CCDC91: variants seen among roughly 807,000 people sequenced by gnomAD.
The protein encoded by CCDC91 is coiled-coil domain containing 91.
A neutral mutation model predicts 63.2 loss-of-function variants in CCDC91; 48 were observed. The observed-to-expected ratio is 0.76, with a 90% confidence interval of 0.60 to 0.97. CCDC91 has a LOEUF of 0.97. Ranked by LOEUF, CCDC91 falls within the 50% of genes least tolerant of loss-of-function variation. The pLI is 0.00. For missense variants in CCDC91, 500 were observed against 494.6 expected, an observed-to-expected ratio of 1.01 and a Z score of -0.10; for synonymous variants, 167 against 165.8, an observed-to-expected ratio of 1.01 and a Z score of -0.06.
intron 8 of CCDC91, among the ~76,000 whole-genome samples, chr12:28,448,659 C>T (rs1225528554): frequency 6.6e-6 from 1 of 151,988 alleles, no homozygotes; most frequent in African/African-American, 2.4e-5. Flanking sequence ...ATTACCAGTT[C>T]TTTTTAAGGA....
chr12:28,455,159 A>AT (rs1325149438), intron 11 of CCDC91, among the ~76,000 whole-genome samples: 1 of 67,216 alleles, frequency 1.5e-5, no homozygotes, highest in Non-Finnish European at 3.5e-5. Context: ...TGCAGTAAAT[A>AT]TCCTGAAGAG....
chr12:28,399,014 A>G (rs1946456633), intron 8 of CCDC91, among the ~76,000 whole-genome samples: 1 of 152,162 alleles, frequency 6.6e-6, no homozygotes, highest in Non-Finnish European at 1.5e-5. Flanking sequence ...TATCATTGTT[A>G]TTAGTCAGCT....
intron 8 of CCDC91, among the ~76,000 whole-genome samples, chr12:28,405,743 A>C (rs1201379506): frequency 1.3e-5 from 2 of 152,170 alleles, no homozygotes; most frequent in African/African-American, 4.8e-5. Flanking sequence ...GTTGGCTGGA[A>C]AAGTGACTTC....
intron 8 of CCDC91, among the ~76,000 whole-genome samples, chr12:28,421,503 T>C (rs562087313): frequency 5.9e-5 from 9 of 152,062 alleles, no homozygotes; most frequent in African/African-American, 1.9e-4. Context: ...GAAAATGACC[T>C]CCGGCTCCAT....
rs7967156 is a variant in CCDC91, at chr12:28,397,783, T to G, written c.762+6372T>G. On this transcript the variant is annotated intron_variant, in intron 8 of 12. Transcript: ENST00000536442. Reference sequence around the variant, plus strand: ...CTTAAGTGCTATTAATAGATATATATAAAATGCTACCAATACACATAAGAT... The same window carrying G: ...CTTAAGTGCTATTAATAGATATATAGAAAATGCTACCAATACACATAAGAT... Among the ~76,000 whole-genome samples the G allele has an allele frequency of 4.6e-3, 703 of 152,246 alleles. 8 individuals carry two copies. The highest frequency in any genetic ancestry group is 0.016 in the African/African-American group (668 of 41,544).
At chr12:28,388,588 C>T (rs1452000936) in intron 7 of CCDC91, among the ~76,000 whole-genome samples, 1 of 152,158 alleles carries the variant, frequency 6.6e-6, no homozygotes, top group Non-Finnish European at 1.5e-5. Context: ...AACTAGAAAA[C>T]ACTGCTGAAA....
At chr12:28,363,421 A>T (rs1417430921) in intron 7 of CCDC91, among the ~76,000 whole-genome samples, 2 of 152,172 alleles carry the variant, frequency 1.3e-5, no homozygotes, top group East Asian at 3.9e-4. Flanking sequence ...GTTTAACCAT[A>T]CATGTTTACA....
chr12:28,408,769 A>G lies in CCDC91; in HGVS notation c.762+17358A>G, dbSNP rs142900489. On this transcript the variant is annotated intron_variant, in intron 8 of 12. Transcript: ENST00000536442. ...GCAATTCTCTTGCCTCAGCTTCCCA[A>G]GTATCTGGGATTACAGGTGTGCACC... is the stretch of plus-strand genomic sequence containing the variant. 4.5e-3 allele frequency among the ~76,000 whole-genome samples: 689 copies of G among 151,926 alleles called. 7 individuals are homozygous for G. Among genetic ancestry groups the G allele is most frequent in the African/African-American group, 0.014 (579 of 41,394 alleles).
intron 6 of CCDC91, among the ~76,000 whole-genome samples, chr12:28,360,308 G>A (rs1943792992): frequency 6.6e-6 from 1 of 152,206 alleles, no homozygotes; most frequent in Non-Finnish European, 1.5e-5. Flanking sequence ...GGAAGTGGTA[G>A]CAGTAAATGG....
chr12:28,537,359 T>C (rs1680880166), intron 12 of CCDC91, among the ~76,000 whole-genome samples: 1 of 151,892 alleles, frequency 6.6e-6, no homozygotes, highest in South Asian at 2.1e-4. Flanking sequence ...TTATAGGAAA[T>C]TCTATTCCAT....
intron 2 of CCDC91, among the ~76,000 whole-genome samples, chr12:28,258,543 C>T (rs903475097): frequency 2.6e-5 from 4 of 151,946 alleles, no homozygotes; most frequent in African/African-American, 9.7e-5. Flanking sequence ...TTAGGTTTTT[C>T]TTTCTTTCCA....
intron 6 of CCDC91, among the ~76,000 whole-genome samples, chr12:28,320,385 CT>C (rs1269338026): frequency 6.6e-6 from 1 of 150,710 alleles, no homozygotes; most frequent in East Asian, 1.9e-4. Flanking sequence ...TGAGTTTTTT[CT>C]TTTTTTTTAT....
intron 6 of CCDC91, among the ~76,000 whole-genome samples, chr12:28,355,744 G>C (rs1003391565): frequency 6.6e-6 from 1 of 152,146 alleles, no homozygotes; most frequent in African/African-American, 2.4e-5. Context: ...AGAATTCCAG[G>C]AGAAGTTTGC....
intron 6 of CCDC91, among the ~76,000 whole-genome samples, chr12:28,361,456 ACTTTTTTCTCGT>A (rs1312844679): frequency 2.0e-5 from 3 of 150,806 alleles, no homozygotes; most frequent in East Asian, 1.9e-4. Flanking sequence ...TACTTGTTTC[ACTTTTTTCTCGT>A]CTTTTTTCTC....
rs576036153 is a variant in CCDC91, at chr12:28,271,120, C to A, written c.109+11678C>A. On this transcript the variant is annotated intron_variant, in intron 3 of 12. Transcript: ENST00000536442. ...TTATAGCTAGGAAGAATATCAGATA[C>A]AGGCAGTGTTTGAGTTCAACTCAGG... Among the ~76,000 whole-genome samples, 3 of 152,222 alleles carry A rather than the reference C, an allele frequency of 2.0e-5. No individual in the cohort carries two copies. The South Asian group carries it at 6.2e-4, about 32-fold the overall frequency.
intron 1 of CCDC91, among the ~76,000 whole-genome samples, chr12:28,240,042 A>C (rs186655944): frequency 9.3e-4 from 141 of 152,316 alleles, no homozygotes; most frequent in Admixed American, 9.0e-3. Flanking sequence ...AGGCATTGGC[A>C]GAATGTTTAA....
chr12:28,321,221 G>A lies in CCDC91; in HGVS notation c.576+13472G>A, dbSNP rs536740226. ...AGACAGCCTTTTTCTGACCCTTCTGGTTAAAGTAGTTCTTCCCCATATCCC... is the reference window on the plus strand; with the variant it reads ...AGACAGCCTTTTTCTGACCCTTCTGATTAAAGTAGTTCTTCCCCATATCCC... On this transcript the variant is annotated intron_variant, in intron 6 of 12. Coordinates refer to ENST00000536442, the MANE Select transcript of CCDC91 (RefSeq NM_018318.5). 2.0e-5 allele frequency among the ~76,000 whole-genome samples: 3 copies of A among 151,820 alleles called. No homozygotes were observed. In the East Asian group the frequency reaches 5.8e-4, roughly 30 times the overall value.
chr12:28,301,876 G>T, intron 3 of CCDC91, among the ~76,000 whole-genome samples: 1 of 151,230 alleles, frequency 6.6e-6, no homozygotes, highest in South Asian at 2.1e-4. Flanking sequence ...AATTTTTTCT[G>T]TTTTGATAGC....
intron 11 of CCDC91, among the ~76,000 whole-genome samples, chr12:28,476,149 A>G (rs1284937453): frequency 6.6e-6 from 1 of 151,794 alleles, no homozygotes; most frequent in African/African-American, 2.4e-5. Context: ...GTAACTTTAA[A>G]TGAAACTGTT....
Sources: gnomAD v4.1 joint callset for allele counts (sites outside exome capture counted in the v4.1 genomes callset) on GRCh38, gnomAD v4.1.1 for gene constraint, MANE v1.5 for transcripts, NCBI Gene and HGNC (gene_info 2026-07-23, HGNC 2026-07-21) for gene names.